The following ITPR2 variants were observed in gnomAD, a reference collection of about 807,000 sequenced individuals.
ITPR2 encodes inositol 1,4,5-trisphosphate receptor type 2.
A neutral mutation model predicts 317.1 loss-of-function variants in ITPR2; 207 were observed. The ratio of observed to expected loss-of-function variants is 0.65; its 90% CI spans 0.58 to 0.73. The LOEUF is 0.73. Ranked by LOEUF, ITPR2 falls within the 30% of genes least tolerant of loss-of-function variation. ITPR2 has a pLI of 0.00. For synonymous variants in ITPR2, 1,156 were observed against 1,149.1 expected (o/e 1.01, Z -0.12); for missense variants, 2,613 against 3,284.0 (o/e 0.80, Z 4.99).
chr12:26,677,741 G>A (rs997049444), intron 13 of ITPR2, among the ~76,000 whole-genome samples: 5 of 152,090 alleles, frequency 3.3e-5, no homozygotes, highest in Non-Finnish European at 7.4e-5. Flanking sequence ...AAATGACCAG[G>A]AAATCTGAAT....
intron 1 of ITPR2, among the ~76,000 whole-genome samples, chr12:26,801,834 C>T (rs1188932304): frequency 6.6e-6 from 1 of 151,610 alleles, no homozygotes; most frequent in Non-Finnish European, 1.5e-5. Context: ...TCAGCATTCT[C>T]ATCTGCAAAA....
intron 50 of ITPR2, 88 bp downstream of exon 50, chr12:26,418,961 T>A: frequency 4.0e-6 from 4 of 987,964 alleles, no homozygotes; most frequent in Non-Finnish European, 4.1e-6. Flanking sequence ...AGGCTTTGCT[T>A]AAAAAAAAAA....
intron 55 of ITPR2, among the ~76,000 whole-genome samples, chr12:26,382,122 A>C (rs1259301831): frequency 3.3e-5 from 5 of 152,114 alleles, no homozygotes; most frequent in African/African-American, 1.2e-4. Flanking sequence ...TTATCCTTTC[A>C]TACCTTTTCC....
intron 14 of ITPR2, among the ~76,000 whole-genome samples, chr12:26,665,058 C>T (rs1283974274): frequency 1.3e-5 from 2 of 152,042 alleles, no homozygotes; most frequent in East Asian, 1.9e-4. Flanking sequence ...AATACATAAA[C>T]GTAGGCATGT....
At chr12:26,620,168 T>A (rs970739255) in intron 26 of ITPR2, among the ~76,000 whole-genome samples, 1 of 152,222 alleles carries the variant, frequency 6.6e-6, no homozygotes, top group South Asian at 2.1e-4. Flanking sequence ...TAAACTCATG[T>A]GGAACTTAAA....
intron 2 of ITPR2, among the ~76,000 whole-genome samples, chr12:26,776,771 G>A (rs1592118364): frequency 6.6e-6 from 1 of 152,270 alleles, no homozygotes; most frequent in South Asian, 2.1e-4. Context: ...GAAGCAACAG[G>A]GAAGGACCCC....
chr12:26,556,681 G>A (rs1944672900), intron 35 of ITPR2, among the ~76,000 whole-genome samples: 2 of 149,930 alleles, frequency 1.3e-5, no homozygotes. Context: ...TTAAGCCACT[G>A]TATGTGCCCT....
At chr12:26,354,582 C>A (rs1005296737) in intron 55 of ITPR2, among the ~76,000 whole-genome samples, 1 of 152,126 alleles carries the variant, frequency 6.6e-6, no homozygotes, top group African/African-American at 2.4e-5. Flanking sequence ...TTTAGTTGTT[C>A]TTTAAACTGT....
chr12:26,753,855 G>T (rs1949474430), intron 2 of ITPR2, among the ~76,000 whole-genome samples: 2 of 152,166 alleles, frequency 1.3e-5, no homozygotes, highest in Admixed American at 1.3e-4. Flanking sequence ...TGAAAAAAAT[G>T]GATGAGGTTT....
chr12:26,394,246 C>A (rs1466795551), intron 54 of ITPR2, among the ~76,000 whole-genome samples: 2 of 152,106 alleles, frequency 1.3e-5, no homozygotes, highest in Admixed American at 6.5e-5. Context: ...CCAGTGTAGA[C>A]CTATGACTAC....
At chr12:26,665,826 G>T (rs1307096345) in intron 14 of ITPR2, 84 bp downstream of exon 14, 2 of 1,205,344 alleles carry the variant, frequency 1.7e-6, no homozygotes, top group African/African-American at 3.1e-5. Context: ...TTGCTTCATA[G>T]TAATAGATAA....
Position 26,663,845 on chromosome 12 carries a change from A to G in ITPR2, c.1553T>C (p.Val518Ala). 1.2e-6 allele frequency: 2 copies of G among 1,601,724 alleles called. No homozygotes were observed. The highest frequency in any genetic ancestry group is 8.5e-7 in the Non-Finnish European group (1 of 1,176,634). The stretch of plus-strand genomic sequence containing the variant: ...AAAGGGTGCTTTAAGAATTCCAAAT[A>G]CCTATCAGGAATAAAAACAGCCACC... ...LMREQNILAQVFGILKAPFKE... is the reference protein window; with the variant it reads ...LMREQNILAQAFGILKAPFKE... Residue 518 changes from valine (V) to alanine (A), a missense_variant and splice_region_variant, in exon 15 of 57, where the codon GTA (valine) becomes GCA (alanine). Around this residue, in one of 9 missense-constraint regions of ITPR2, gnomAD observed 515 missense variants for 789.4 expected, o/e 0.65. Transcript: ENST00000381340.
At chr12:26,628,003 A>C (rs749459459) in intron 23 of ITPR2, 30 bp downstream of exon 23, 2 of 1,555,068 alleles carry the variant, frequency 1.3e-6, no homozygotes, top group South Asian at 2.4e-5. Context: ...AAATAAAATA[A>C]AAAGAGTAAA....
At chr12:26,359,943 C>T (rs1056090173) in intron 55 of ITPR2, among the ~76,000 whole-genome samples, 4 of 152,296 alleles carry the variant, frequency 2.6e-5, no homozygotes, top group South Asian at 4.2e-4. Context: ...ATACCACTTT[C>T]GCCTCTACGT....
At chr12:26,621,376 A>G in intron 25 of ITPR2, 80 bp from the exon 26 acceptor site, 1 of 1,050,852 alleles carries the variant, frequency 9.5e-7, no homozygotes, top group Admixed American at 2.4e-5. Flanking sequence ...TATATTGACC[A>G]TGAAAACCTA....
In ITPR2 at chr12:26,682,223, C is replaced by T. The variant is rs750432740; in HGVS notation, c.1249-189G>A. ...AGATTTCCTGTGCCCACTTCCTGCCCTGTTCCCAAAGCCCCACTGGAAACT... is the reference window on the plus strand; with the variant it reads ...AGATTTCCTGTGCCCACTTCCTGCCTTGTTCCCAAAGCCCCACTGGAAACT... On this transcript the variant is annotated intron_variant, in intron 12 of 56. Coordinates refer to ENST00000381340, the MANE Select transcript of ITPR2 (RefSeq NM_002223.4). 3.3e-5 allele frequency among the ~76,000 whole-genome samples: 5 copies of T among 152,172 alleles called. No homozygotes were observed. In the South Asian group the frequency reaches 8.3e-4, roughly 25 times the overall value.
chr12:26,802,463 C>A (rs997369607), intron 1 of ITPR2, among the ~76,000 whole-genome samples: 4 of 151,858 alleles, frequency 2.6e-5, no homozygotes, highest in African/African-American at 9.7e-5. Context: ...GCCTGGGCCA[C>A]ATAGTGAGAC....
chr12:26,698,155 C>T (rs1420789826), intron 9 of ITPR2, among the ~76,000 whole-genome samples: 1 of 152,128 alleles, frequency 6.6e-6, no homozygotes, highest in African/African-American at 2.4e-5. Context: ...AAATTTTCCT[C>T]AGCTGAAGAA....
At chr12:26,706,979 T>C (rs1948563418) in intron 9 of ITPR2, among the ~76,000 whole-genome samples, 1 of 152,196 alleles carries the variant, frequency 6.6e-6, no homozygotes, top group African/African-American at 2.4e-5. Flanking sequence ...TAACAGTCCA[T>C]GTCTATTATT....
Sources: allele counts gnomAD v4.1 joint callset (sites outside exome capture counted in the v4.1 genomes callset), GRCh38; gene constraint gnomAD v4.1.1; regional missense constraint gnomAD v4.1.1; transcripts MANE v1.5; gene names NCBI Gene and HGNC (gene_info 2026-07-23, HGNC 2026-07-21).